Variants in ADAD1 observed in about 807,000 individuals in gnomAD.
The protein encoded by ADAD1 is adenosine deaminase domain containing 1.
In ADAD1, 46 loss-of-function variants were observed where a neutral mutation model predicts 66.8. The observed-to-expected ratio is 0.69, with a 90% CI of 0.54 to 0.88. ADAD1 has a LOEUF of 0.88. ADAD1 is among the 40% of genes least tolerant of loss of function. The pLI is 0.00. For synonymous variants in ADAD1, 248 were observed against 229.4 expected (o/e 1.08, Z -0.73); for missense variants, 617 against 681.8 (o/e 0.91, Z 1.06).
chr4:122,414,029 G>C (rs1049101258), intron 10 of ADAD1, among the ~76,000 whole-genome samples: 15 of 149,722 alleles, frequency 1.0e-4, no homozygotes, highest in Non-Finnish European at 1.9e-4. Context: ...TATTTTCTAG[G>C]AACAAGATTG....
chr4:122,392,213 G>A (rs890529308), intron 5 of ADAD1, among the ~76,000 whole-genome samples: 1 of 152,076 alleles, frequency 6.6e-6, no homozygotes, highest in Non-Finnish European at 1.5e-5. Context: ...ATAACCAAAA[G>A]AAAATAAATT....
At chr4:122,417,328 C>A (rs1348256450) in intron 11 of ADAD1, among the ~76,000 whole-genome samples, 1 of 144,980 alleles carries the variant, frequency 6.9e-6, no homozygotes, top group Non-Finnish European at 1.5e-5. Flanking sequence ...CAAAGTGAGC[C>A]TCCATCTTTA....
chr4:122,422,675 G>C (rs1417514270), intron 12 of ADAD1, among the ~76,000 whole-genome samples: 1 of 152,050 alleles, frequency 6.6e-6, no homozygotes, highest in Admixed American at 6.6e-5. Context: ...GCATAAAGAA[G>C]TTGTAAATCA....
rs13106984 is a variant in ADAD1 at position 122,380,245 on chromosome 4, C to A, written c.172+4C>A. The A allele has an allele frequency of 6.2e-7, 1 of 1,600,138 alleles. No homozygotes were observed. Among genetic ancestry groups the A allele is most frequent in the African/African-American group, 1.3e-5 (1 of 74,232 alleles). On this transcript the variant is annotated splice_donor_region_variant and intron_variant, in intron 3 of 12. Coordinates refer to ENST00000296513, the MANE Select transcript of ADAD1 (RefSeq NM_139243.4). ...TCCAAGGTTACGCAAGTAACGGGTA[C>A]GACTTTTTTCATTTGTAACAATGAG...
chr4:122,384,093 T>A, intron 5 of ADAD1, 127 bp downstream of exon 5: 1 of 888,460 alleles, frequency 1.1e-6, no homozygotes, highest in Non-Finnish European at 1.7e-6. Context: ...TTGAATAATT[T>A]ATTTCAGTTG....
intron 2 of ADAD1, 110 bp downstream of exon 2, chr4:122,379,555 G>A (rs1278670667): frequency 1.3e-5 from 2 of 153,936 alleles, no homozygotes; most frequent in Non-Finnish European, 1.4e-5. Flanking sequence ...CTCGCGCAGA[G>A]CGGCCTGAAG....
intron 8 of ADAD1, 128 bp downstream of exon 8, chr4:122,408,159 T>C: frequency 1.0e-6 from 1 of 964,794 alleles, no homozygotes; most frequent in Non-Finnish European, 1.4e-6. Flanking sequence ...CATTTTCTTA[T>C]CTAAGTCATC....
chr4:122,408,182 T>C, intron 8 of ADAD1, 151 bp downstream of exon 8: 1 of 822,580 alleles, frequency 1.2e-6, no homozygotes, highest in Non-Finnish European at 1.8e-6. Context: ...ATTAATTCCA[T>C]GTCACCTTTG....
At chr4:122,405,494 A>G (rs1352998714) in intron 7 of ADAD1, among the ~76,000 whole-genome samples, 1 of 152,128 alleles carries the variant, frequency 6.6e-6, no homozygotes, top group African/African-American at 2.4e-5. Flanking sequence ...AATCCAGTGG[A>G]TTTTGTTACC....
At chr4:122,393,689 G>T in intron 6 of ADAD1, 32 bp downstream of exon 6, 1 of 1,495,252 alleles carries the variant, frequency 6.7e-7, no homozygotes, top group South Asian at 1.3e-5. Flanking sequence ...TTCTTCTTTA[G>T]AAGAGTAGCC....
At chr4:122,413,642 C>G (rs1423271028) in intron 10 of ADAD1, among the ~76,000 whole-genome samples, 1 of 151,714 alleles carries the variant, frequency 6.6e-6, no homozygotes, top group Admixed American at 6.6e-5. Context: ...AGAATCCTTC[C>G]TAGTGAAGAA....
chr4:122,413,242 T>G (rs1373021485), intron 10 of ADAD1, among the ~76,000 whole-genome samples: 1 of 152,182 alleles, frequency 6.6e-6, no homozygotes, highest in Non-Finnish European at 1.5e-5. Flanking sequence ...TACCCCAACA[T>G]TATTTTAAAG....
chr4:122,395,664 C>CAAA (rs57013887), intron 6 of ADAD1, among the ~76,000 whole-genome samples: 1 of 137,224 alleles, frequency 7.3e-6, no homozygotes. Flanking sequence ...GACTCCATCT[C>CAAA]AAAAAAAAAA....
At position 122,385,173 on chromosome 4, in the gene ADAD1, C is replaced by A. The variant is rs540109566; in HGVS notation, c.529+1207C>A. 2.0e-5 allele frequency among the ~76,000 whole-genome samples: 3 copies of A among 152,102 alleles called. No homozygotes were observed. In the South Asian group the frequency reaches 6.2e-4, roughly 32 times the overall value. ...TATTCACAACATAAAACTTTTAAAA[C>A]TTTAGTTTTTTTCAAAATTTTGAGC... is the stretch of plus-strand genomic sequence containing the variant. On this transcript the variant is annotated intron_variant, in intron 5 of 12. Transcript: ENST00000296513.
chr4:122,380,901 C>A, intron 3 of ADAD1, 91 bp from the exon 4 acceptor site: 2 of 1,191,610 alleles, frequency 1.7e-6, no homozygotes, highest in South Asian at 1.5e-5. Context: ...GTATCTGGGA[C>A]AACCTTCCAT....
At chr4:122,409,298 T>C (rs934560186) in intron 8 of ADAD1, among the ~76,000 whole-genome samples, 1 of 152,230 alleles carries the variant, frequency 6.6e-6, no homozygotes, top group Non-Finnish European at 1.5e-5. Flanking sequence ...CTTCTCATAA[T>C]ATCCACCAGC....
At chr4:122,422,348 C>T (rs1398781748) in intron 12 of ADAD1, among the ~76,000 whole-genome samples, 1 of 152,154 alleles carries the variant, frequency 6.6e-6, no homozygotes, top group Non-Finnish European at 1.5e-5. Context: ...TGGTCTTGAA[C>T]TCCTCACGTC....
Position 122,380,168 on chromosome 4 carries a change from A to G in ADAD1, c.99A>G (p.Ile33Met). 1.9e-6 allele frequency: 3 copies of G among 1,614,220 alleles called. No homozygotes were observed. The highest frequency in any genetic ancestry group is 2.5e-6 in the Non-Finnish European group (3 of 1,180,048). ...CAGTTCAACCAGCGACAAAGACGAT[A>G]ACTACACCCACAGGATGGTCCTCAG... is the stretch of plus-strand genomic sequence containing the variant. ...NLPVQPATKT[I>M]TTPTGWSSES... is the part of the protein sequence containing the mutation. Residue 33 changes from isoleucine to methionine, a missense_variant, in exon 3 of 13, where the codon ATA becomes ATG. Coordinates refer to ENST00000296513, the MANE Select transcript of ADAD1 (RefSeq NM_139243.4).
intron 7 of ADAD1, among the ~76,000 whole-genome samples, chr4:122,407,327 A>G (rs1796261534): frequency 6.6e-6 from 1 of 152,176 alleles, no homozygotes; most frequent in African/African-American, 2.4e-5. Flanking sequence ...GCCAATTTGA[A>G]TTGTGTATTT....
Sources: gnomAD v4.1 joint callset for allele counts (sites outside exome capture counted in the v4.1 genomes callset) on GRCh38, gnomAD v4.1.1 for gene constraint, MANE v1.5 for transcripts, NCBI Gene and HGNC (gene_info 2026-07-23, HGNC 2026-07-21) for gene names.